The following XRCC6 variants were observed in gnomAD, a reference collection of about 807,000 sequenced individuals.
XRCC6 encodes X-ray repair cross complementing 6.
Under a neutral mutation model 65.7 loss-of-function variants are expected in XRCC6, and 5 were observed. The observed-to-expected ratio is 0.08, with a 90% CI of 0.04 to 0.16. The LOEUF (loss-of-function observed/expected upper bound fraction) is 0.16. Among genes scored for constraint, XRCC6 ranks in the 10% least tolerant of loss-of-function variants. XRCC6 has a pLI of 1.00. For synonymous variants in XRCC6, 270 were observed against 270.6 expected (o/e 1.00, Z 0.02); for missense variants, 447 against 738.1 (o/e 0.61, Z 4.57).
intron 2 of XRCC6, 77 bp from the exon 3 acceptor site, chr22:41,628,041 A>T: frequency 1.1e-6 from 1 of 941,794 alleles, no homozygotes; most frequent in Non-Finnish European, 1.6e-6. Context: ...ACTTTCCTTT[A>T]TGGCCTTTAT....
chr22:41,654,671 TTATC>T (rs2068029071), intron 9 of XRCC6, among the ~76,000 whole-genome samples: 1 of 152,134 alleles, frequency 6.6e-6, no homozygotes, highest in African/African-American at 2.4e-5. Flanking sequence ...TTCCTTTTAT[TTATC>T]ACGTGGTAGA....
chr22:41,640,981 G>A (rs577469720), intron 6 of XRCC6, among the ~76,000 whole-genome samples: 66 of 152,240 alleles, frequency 4.3e-4, no homozygotes, highest in African/African-American at 1.5e-3. Context: ...AGTGGCTCAC[G>A]TCTGTAATCC....
At chr22:41,655,445 C>T (rs2068036209) in intron 9 of XRCC6, among the ~76,000 whole-genome samples, 1 of 151,118 alleles carries the variant, frequency 6.6e-6, no homozygotes, top group African/African-American at 2.4e-5. Flanking sequence ...TGGTGGCTCA[C>T]GCCTGTAATC....
chr22:41,622,579 G>A (rs1175986619), intron 2 of XRCC6, among the ~76,000 whole-genome samples: 3 of 152,250 alleles, frequency 2.0e-5, no homozygotes, highest in Admixed American at 6.5e-5. Context: ...AAGAGAAATA[G>A]GGGTACATGT....
intron 3 of XRCC6, among the ~76,000 whole-genome samples, chr22:41,635,483 T>C (rs2067799523): frequency 6.6e-6 from 1 of 152,220 alleles, no homozygotes. Context: ...CCAGGTTTTC[T>C]GATTCCAATG....
intron 8 of XRCC6, among the ~76,000 whole-genome samples, chr22:41,652,542 T>C (rs1458265704): frequency 6.6e-6 from 1 of 152,054 alleles, no homozygotes; most frequent in African/African-American, 2.4e-5. Flanking sequence ...TCTTTTGTAA[T>C]GTTAGTAGAG....
intron 11 of XRCC6, among the ~76,000 whole-genome samples, 176 bp downstream of exon 11, chr22:41,658,528 G>A (rs540130873): frequency 6.6e-6 from 1 of 152,202 alleles, no homozygotes; most frequent in East Asian, 1.9e-4. Context: ...AACAGATTTG[G>A]CTGGTTCCAT....
intron 8 of XRCC6, 66 bp from the exon 9 acceptor site, chr22:41,653,463 G>A (rs1261506101): frequency 2.8e-6 from 4 of 1,447,200 alleles, no homozygotes; most frequent in Non-Finnish European, 2.8e-6. Context: ...AGAAACTTTA[G>A]GGCTAAAAGA....
chr22:41,649,216 C>A (rs1366212178), intron 7 of XRCC6, among the ~76,000 whole-genome samples: 1 of 144,802 alleles, frequency 6.9e-6, no homozygotes, highest in Non-Finnish European at 1.5e-5. Flanking sequence ...TACAAATAAT[C>A]TTTGCAGTAG....
At chr22:41,661,916 G>T (rs1204480680) in intron 12 of XRCC6, among the ~76,000 whole-genome samples, 3 of 152,176 alleles carry the variant, frequency 2.0e-5, no homozygotes, top group Non-Finnish European at 4.4e-5. Flanking sequence ...CCATAAAAAA[G>T]AATGAGATCC....
Position 41,663,640 on chromosome 22 carries a change from G to A in XRCC6, c.1655G>A (p.Ser552Asn), listed in dbSNP as rs1259056307. Reference protein sequence around the residue: ...KRKHDNEGSGSKRPKVEYSEE... With the variant: ...KRKHDNEGSGNKRPKVEYSEE... Reference sequence around the variant, plus strand: ...CCCCCAGATAATGAAGGTTCTGGAAGCAAAAGGCCCAAGGTGGAGTATTCA... The same window carrying A: ...CCCCCAGATAATGAAGGTTCTGGAAACAAAAGGCCCAAGGTGGAGTATTCA... The change falls in exon 13 of 13, where the codon AGC (serine) becomes AAC (asparagine). Residue 552 changes from serine to asparagine, a missense_variant. Physicochemically the swap from Ser to Asn is conservative, Grantham distance 46. This residue lies in a region of XRCC6 where 201 missense variants were observed against 374.1 expected (regional missense o/e 0.54). Transcript: ENST00000360079. 6.2e-7 allele frequency: 1 copy of A among 1,612,610 alleles called. No individual in the cohort carries two copies. Among genetic ancestry groups the A allele is most frequent in the African/African-American group, 1.3e-5 (1 of 74,888 alleles).
intron 6 of XRCC6, among the ~76,000 whole-genome samples, chr22:41,646,689 T>C (rs989224354): frequency 6.6e-6 from 1 of 152,234 alleles, no homozygotes; most frequent in Non-Finnish European, 1.5e-5. Context: ...TTCTTTATCA[T>C]TGTTTTAAGT....
chr22:41,622,139 C>T (rs2067614899), intron 2 of XRCC6, 53 bp downstream of exon 2: 3 of 1,566,288 alleles, frequency 1.9e-6, no homozygotes, highest in East Asian at 2.2e-5. Context: ...AAGACCTTCC[C>T]TGCCTATCTC....
chr22:41,641,087 A>G (rs2067870465), intron 6 of XRCC6, among the ~76,000 whole-genome samples: 1 of 152,138 alleles, frequency 6.6e-6, no homozygotes, highest in South Asian at 2.1e-4. Flanking sequence ...TTTATTAAAA[A>G]AATTAAAAAA....
chr22:41,652,219 TGTG>T (rs1350288349), intron 8 of XRCC6, among the ~76,000 whole-genome samples: 1 of 146,928 alleles, frequency 6.8e-6, no homozygotes, highest in Admixed American at 6.9e-5. Flanking sequence ...ACCTTGCCGT[TGTG>T]TTTATTTGTG....
Position 41,647,099 on chromosome 22 carries a change from T to A in XRCC6, c.960+17T>A. 6.2e-7 allele frequency: 1 copy of A among 1,610,836 alleles called. No homozygotes were observed. The highest frequency in any genetic ancestry group is 8.5e-7 in the Non-Finnish European group (1 of 1,178,362). On this transcript the variant is annotated intron_variant, in intron 7 of 12. Transcript: ENST00000360079. The stretch of plus-strand genomic sequence containing the variant: ...AGGTCTCAGGTAGGTAGAGATGCCT[T>A]TTGTTGTTGTTGTTTTTGAGACAGG...
intron 5 of XRCC6, 105 bp from the exon 6 acceptor site, chr22:41,637,503 G>C (rs1340685595): frequency 4.6e-5 from 49 of 1,075,544 alleles, no homozygotes; most frequent in South Asian, 1.6e-4. Flanking sequence ...TAATAGTCTA[G>C]TTTTCAGGGA....
chr22:41,662,440 C>A (rs138721332), intron 12 of XRCC6, among the ~76,000 whole-genome samples: 78 of 152,282 alleles, frequency 5.1e-4, no homozygotes, highest in African/African-American at 1.8e-3. Flanking sequence ...TATTTCAGCA[C>A]AAATGGAATA....
intron 6 of XRCC6, 136 bp downstream of exon 6, chr22:41,637,927 C>A: frequency 1.2e-6 from 1 of 819,778 alleles, no homozygotes; most frequent in Non-Finnish European, 1.7e-6. Context: ...GAGTTGAGAC[C>A]AGCTTGGGCA....
Sources: allele counts gnomAD v4.1 joint callset (sites outside exome capture counted in the v4.1 genomes callset), GRCh38; gene constraint gnomAD v4.1.1; regional missense constraint gnomAD v4.1.1; transcripts MANE v1.5; gene names NCBI Gene and HGNC (gene_info 2026-07-23, HGNC 2026-07-21).